Variants in RAPGEF4 observed in about 807,000 individuals in gnomAD.
RAPGEF4 encodes RAP guanine-nucleotide-exchange factor (GEF) 4.
Under a neutral mutation model 147.9 loss-of-function variants are expected in RAPGEF4, and 66 were observed. The observed-to-expected ratio is 0.45, with a 90% CI of 0.37 to 0.55. RAPGEF4 has a LOEUF of 0.55. RAPGEF4 is among the 20% of genes least tolerant of loss of function. The probability of loss-of-function intolerance (pLI) is 0.00; values close to 1 mark genes in which losing one functional copy is unlikely to be tolerated. For missense variants in RAPGEF4, 1,071 were observed against 1,257.3 expected, an observed-to-expected ratio of 0.85 and a Z score of 2.24; for synonymous variants, 419 against 442.7, an observed-to-expected ratio of 0.95 and a Z score of 0.67.
chr2:172,787,686 C>T (rs955891898), intron 1 of RAPGEF4, among the ~76,000 whole-genome samples: 3 of 151,970 alleles, frequency 2.0e-5, no homozygotes, highest in Non-Finnish European at 4.4e-5. Flanking sequence ...GTGGCGTGAT[C>T]ATGGCTCATT....
At chr2:172,749,968 T>A (rs34815555) in intron 1 of RAPGEF4, among the ~76,000 whole-genome samples, 18,228 of 152,160 alleles carry the variant, frequency 0.12, 1,272 homozygotes, top group Non-Finnish European at 0.16. Context: ...AGTCACCTTT[T>A]CTCCAGTTCC....
At chr2:172,997,228 A>T (rs1350597819) in intron 16 of RAPGEF4, among the ~76,000 whole-genome samples, 6 of 151,972 alleles carry the variant, frequency 3.9e-5, no homozygotes, top group Non-Finnish European at 7.4e-5. Flanking sequence ...CATCATCCGG[A>T]TCTCTGCCCT....
intron 1 of RAPGEF4, among the ~76,000 whole-genome samples, chr2:172,776,360 C>T (rs1337071904): frequency 2.0e-5 from 3 of 152,194 alleles, no homozygotes; most frequent in Non-Finnish European, 2.9e-5. Flanking sequence ...TAAATCCCAC[C>T]TCTTAATGGA....
At chr2:173,013,301 A>G (rs538873534) in intron 17 of RAPGEF4, among the ~76,000 whole-genome samples, 2 of 152,314 alleles carry the variant, frequency 1.3e-5, no homozygotes, top group Admixed American at 6.5e-5. Context: ...GGCTTTGGGT[A>G]ATGGGAAGAA....
At chr2:172,965,801 G>A in intron 9 of RAPGEF4, 118 bp downstream of exon 9, 2 of 1,256,330 alleles carry the variant, frequency 1.6e-6, no homozygotes, top group Middle Eastern at 2.1e-4. Context: ...TTAGGGACCT[G>A]CAGAGCTAGC....
intron 1 of RAPGEF4, among the ~76,000 whole-genome samples, chr2:172,740,653 C>G (rs567919216): frequency 7.1e-4 from 108 of 152,242 alleles, no homozygotes; most frequent in Non-Finnish European, 1.2e-3. Flanking sequence ...TTGAGAAATG[C>G]AGAGGATCAA....
chr2:173,036,607 G>A, intron 28 of RAPGEF4, 21 bp from the exon 29 acceptor site: 3 of 1,569,118 alleles, frequency 1.9e-6, no homozygotes, highest in Non-Finnish European at 2.6e-6. Context: ...TGATTAGAAT[G>A]TGGCTTTTAT....
intron 29 of RAPGEF4, among the ~76,000 whole-genome samples, chr2:173,040,911 C>T (rs1353352935): frequency 6.6e-6 from 1 of 152,136 alleles, no homozygotes; most frequent in Non-Finnish European, 1.5e-5. Context: ...GGTAGACTAG[C>T]ATGGATTAGA....
rs1203140316 is a variant in RAPGEF4 at position 173,001,381 on chromosome 2, C to T, written c.1658+37C>T. On this transcript the variant is annotated intron_variant, in intron 17 of 30. Transcript: ENST00000397081. Reference sequence around the variant, plus strand: ...TTGTGATTGTAAGTCCCTATTCCCTCGAAGACAACCCCCCCTATCGAGGGC... The same window carrying T: ...TTGTGATTGTAAGTCCCTATTCCCTTGAAGACAACCCCCCCTATCGAGGGC... 3.7e-6 allele frequency: 6 copies of T among 1,611,292 alleles called. No individual in the cohort carries two copies. The African/African-American group carries it at 4.1e-5, about 11-fold the overall frequency.
chr2:173,020,116 G>T (rs971246835), intron 22 of RAPGEF4, among the ~76,000 whole-genome samples: 1 of 152,110 alleles, frequency 6.6e-6, no homozygotes, highest in Non-Finnish European at 1.5e-5. Flanking sequence ...CTCATCTGAA[G>T]AACTAATTTT....
chr2:172,896,714 T>C (rs1427732692), intron 4 of RAPGEF4, among the ~76,000 whole-genome samples: 1 of 152,146 alleles, frequency 6.6e-6, no homozygotes, highest in African/African-American at 2.4e-5. Flanking sequence ...GAGGGCATTG[T>C]GAAAAAGCAA....
intron 4 of RAPGEF4, among the ~76,000 whole-genome samples, chr2:172,883,629 T>A (rs765070801): frequency 6.6e-6 from 1 of 152,182 alleles, no homozygotes; most frequent in Non-Finnish European, 1.5e-5. Context: ...TTTTAAAAAT[T>A]CTGCTAGGTA....
intron 10 of RAPGEF4, among the ~76,000 whole-genome samples, chr2:172,978,878 T>C (rs749196201): frequency 1.1e-4 from 16 of 152,344 alleles, no homozygotes; most frequent in Middle Eastern, 6.8e-3. Context: ...TAAAATATCT[T>C]TTCTGCCAAA....
chr2:172,976,638 A>T (rs1691104573), intron 10 of RAPGEF4, among the ~76,000 whole-genome samples: 1 of 152,170 alleles, frequency 6.6e-6, no homozygotes, highest in South Asian at 2.1e-4. Flanking sequence ...TTCCCCTTGT[A>T]CCAAGGTCTG....
chr2:172,829,543 A>G (rs894179543), intron 4 of RAPGEF4, among the ~76,000 whole-genome samples: 3 of 152,204 alleles, frequency 2.0e-5, no homozygotes, highest in Non-Finnish European at 4.4e-5. Context: ...TACGTAAGTA[A>G]TGATAACAGA....
At chr2:172,968,096 C>T (rs1168323197) in intron 10 of RAPGEF4, among the ~76,000 whole-genome samples, 2 of 152,174 alleles carry the variant, frequency 1.3e-5, no homozygotes, top group African/African-American at 4.8e-5. Flanking sequence ...TATTAAGCCC[C>T]CGTTTGATGC....
At chr2:172,907,465 C>G (rs1575198181) in intron 4 of RAPGEF4, among the ~76,000 whole-genome samples, 1 of 152,236 alleles carries the variant, frequency 6.6e-6, no homozygotes, top group East Asian at 1.9e-4. Context: ...AAAGGCTTTG[C>G]TTGTGTTTGT....
intron 30 of RAPGEF4, among the ~76,000 whole-genome samples, chr2:173,049,344 A>C (rs186131845): frequency 6.6e-6 from 1 of 152,268 alleles, no homozygotes; most frequent in Non-Finnish European, 1.5e-5. Flanking sequence ...CTGGGCTGGG[A>C]CTTTGGTGGT....
intron 29 of RAPGEF4, among the ~76,000 whole-genome samples, chr2:173,045,502 G>A (rs1015900610): frequency 1.3e-5 from 2 of 152,164 alleles, no homozygotes; most frequent in Non-Finnish European, 2.9e-5. Flanking sequence ...AAGATCTGGG[G>A]GTGTGAAGAT....
Sources: gnomAD v4.1 joint callset for allele counts (sites outside exome capture counted in the v4.1 genomes callset) on GRCh38, gnomAD v4.1.1 for gene constraint, MANE v1.5 for transcripts, NCBI Gene and HGNC (gene_info 2026-07-23, HGNC 2026-07-21) for gene names.